Variants in GUCY1A2 observed in about 807,000 individuals in gnomAD.
GUCY1A2 encodes guanylate cyclase soluble subunit alpha-2.
In GUCY1A2, 27 loss-of-function variants were observed where a neutral mutation model predicts 63.5. That is an observed-to-expected ratio of 0.43 (90% CI 0.31 to 0.59). The LOEUF (loss-of-function observed/expected upper bound fraction) is 0.59, where lower values mean the gene tolerates loss of function less well. Ranked by LOEUF, GUCY1A2 falls within the 20% of genes least tolerant of loss-of-function variation. The pLI is 0.11. For missense variants in GUCY1A2, 768 were observed against 913.3 expected (o/e 0.84, Z 2.05); for synonymous variants, 364 against 343.5 (o/e 1.06, Z -0.66).
At chr11:106,753,822 T>G (rs989225754) in intron 6 of GUCY1A2, among the ~76,000 whole-genome samples, 3 of 152,220 alleles carry the variant, frequency 2.0e-5, no homozygotes, top group African/African-American at 7.2e-5. Flanking sequence ...GGCTTAGGAT[T>G]GACTTGGAAA....
intron 3 of GUCY1A2, among the ~76,000 whole-genome samples, chr11:106,949,348 C>T (rs542482901): frequency 5.3e-5 from 8 of 152,264 alleles, no homozygotes; most frequent in African/African-American, 1.2e-4. Context: ...CACCTCTATA[C>T]CAGCCATTAT....
intron 4 of GUCY1A2, among the ~76,000 whole-genome samples, chr11:106,863,028 C>A (rs1384775771): frequency 6.6e-6 from 1 of 152,040 alleles, no homozygotes; most frequent in South Asian, 2.1e-4. Flanking sequence ...GACTATGCTG[C>A]CCCCTCTCAC....
chr11:106,706,176 A>G lies in GUCY1A2; in HGVS notation c.1991+2336T>C, dbSNP rs190710193. On this transcript the variant is annotated intron_variant, in intron 7 of 7. Transcript: ENST00000526355. The stretch of plus-strand genomic sequence containing the variant: ...TCAAAACAGTCCACTTCCAAAGTTT[A>G]TAATAATCATATAGTTTTCAAGATA... Among the ~76,000 whole-genome samples the G allele has an allele frequency of 5.2e-3, 791 of 152,320 alleles. 25 individuals carry two copies. Among genetic ancestry groups the G allele is most frequent in the Admixed American group, 0.047 (726 of 15,288 alleles).
At chr11:106,775,381 G>A (rs1366010547) in intron 6 of GUCY1A2, among the ~76,000 whole-genome samples, 1 of 152,010 alleles carries the variant, frequency 6.6e-6, no homozygotes, top group East Asian at 1.9e-4. Context: ...TTTGAGGATA[G>A]GATTGAAGTT....
intron 5 of GUCY1A2, among the ~76,000 whole-genome samples, chr11:106,782,726 T>A (rs749030235): frequency 6.6e-6 from 1 of 151,816 alleles, no homozygotes; most frequent in Non-Finnish European, 1.5e-5. Flanking sequence ...AATGGCGGTC[T>A]GCACAAGAAT....
intron 2 of GUCY1A2, among the ~76,000 whole-genome samples, chr11:106,982,256 G>A (rs1363410078): frequency 6.6e-6 from 1 of 152,034 alleles, no homozygotes; most frequent in Non-Finnish European, 1.5e-5. Context: ...AATTATATCA[G>A]AAAAAAAGTA....
At chr11:106,729,303 T>C (rs1311568668) in intron 6 of GUCY1A2, among the ~76,000 whole-genome samples, 1 of 152,142 alleles carries the variant, frequency 6.6e-6, no homozygotes. Context: ...CTGAGCGTTA[T>C]CACTTCAGAT....
At chr11:106,987,764 A>T (rs1266811038) in intron 1 of GUCY1A2, among the ~76,000 whole-genome samples, 2 of 152,036 alleles carry the variant, frequency 1.3e-5, no homozygotes, top group East Asian at 3.9e-4. Context: ...CTCCCTACCT[A>T]ACACTCTTCG....
At chr11:106,865,133 A>C (rs897877880) in intron 4 of GUCY1A2, among the ~76,000 whole-genome samples, 6 of 152,004 alleles carry the variant, frequency 3.9e-5, no homozygotes, top group African/African-American at 1.5e-4. Context: ...AGGAGGGTGT[A>C]TGTGTCCAGG....
At chr11:106,935,534 CAT>C (rs1178828826) in intron 4 of GUCY1A2, among the ~76,000 whole-genome samples, 2 of 152,030 alleles carry the variant, frequency 1.3e-5, no homozygotes, top group Non-Finnish European at 2.9e-5. Context: ...TTCACTGAAA[CAT>C]AGAGATGAAA....
At chr11:106,804,602 C>A (rs1858654801) in intron 5 of GUCY1A2, among the ~76,000 whole-genome samples, 1 of 151,550 alleles carries the variant, frequency 6.6e-6, no homozygotes, top group Non-Finnish European at 1.5e-5. Flanking sequence ...GCTGAAGGTC[C>A]AGCGAAGAAG....
chr11:106,809,818 C>T (rs925295943), intron 5 of GUCY1A2, among the ~76,000 whole-genome samples, 175 bp downstream of exon 5: 5 of 151,884 alleles, frequency 3.3e-5, no homozygotes, highest in East Asian at 1.9e-4. Flanking sequence ...TCAACACAAA[C>T]GAACTCATAT....
intron 4 of GUCY1A2, among the ~76,000 whole-genome samples, chr11:106,851,370 C>G (rs111898047): frequency 6.6e-6 from 1 of 151,744 alleles, no homozygotes; most frequent in Non-Finnish European, 1.5e-5. Context: ...TCCCATTTAC[C>G]TATATTTCTT....
intron 4 of GUCY1A2, among the ~76,000 whole-genome samples, chr11:106,871,723 A>G (rs1341052754): frequency 6.6e-6 from 1 of 152,208 alleles, no homozygotes; most frequent in Non-Finnish European, 1.5e-5. Context: ...ACAAATGTGC[A>G]TTAAAAGAAA....
At chr11:106,708,772 C>T in intron 6 of GUCY1A2, 106 bp from the exon 7 acceptor site, 2 of 655,176 alleles carry the variant, frequency 3.1e-6, no homozygotes, top group Non-Finnish European at 4.7e-6. Context: ...TAAAAAAAAA[C>T]TATGAGCTCC....
At chr11:106,694,384 C>CAA (rs1282283488) in intron 7 of GUCY1A2, among the ~76,000 whole-genome samples, 1 of 152,124 alleles carries the variant, frequency 6.6e-6, no homozygotes, top group Non-Finnish European at 1.5e-5. Context: ...TAAAGTTCTA[C>CAA]AAAAGTACAT....
chr11:106,811,005 A>G (rs1295440890), intron 4 of GUCY1A2, among the ~76,000 whole-genome samples: 1 of 152,110 alleles, frequency 6.6e-6, no homozygotes, highest in East Asian at 1.9e-4. Context: ...TGCACTTGTT[A>G]GGTTAGTGGA....
intron 7 of GUCY1A2, among the ~76,000 whole-genome samples, chr11:106,689,993 CAAA>C (rs36069018): frequency 0.014 from 1,548 of 106,818 alleles, 36 homozygotes; most frequent in African/African-American, 0.049. Context: ...GACTCAGTCT[CAAA>C]AAAAAAAAAA....
intron 4 of GUCY1A2, among the ~76,000 whole-genome samples, chr11:106,890,423 T>TC (rs1362049918): frequency 6.6e-6 from 1 of 152,190 alleles, no homozygotes; most frequent in African/African-American, 2.4e-5. Flanking sequence ...GGATGCTGGT[T>TC]CTGGCTCTTT....
Sources: allele counts gnomAD v4.1 joint callset (sites outside exome capture counted in the v4.1 genomes callset), GRCh38; gene constraint gnomAD v4.1.1; transcripts MANE v1.5; gene names NCBI Gene and HGNC (gene_info 2026-07-23, HGNC 2026-07-21).